HACD2: variants seen among roughly 807,000 people sequenced by gnomAD.
HACD2 encodes very-long-chain (3R)-3-hydroxyacyl-CoA dehydratase 2.
A neutral mutation model predicts 31.0 loss-of-function variants in HACD2; 15 were observed. That is an observed-to-expected ratio of 0.48 (90% confidence interval 0.32 to 0.75). HACD2 has a LOEUF of 0.75. HACD2 is among the 30% of genes least tolerant of loss of function. The pLI is 0.03. For synonymous variants in HACD2, 115 were observed against 122.2 expected, an observed-to-expected ratio of 0.94 and a Z score of 0.39; for missense variants, 283 against 313.0, an observed-to-expected ratio of 0.90 and a Z score of 0.72.
rs149348863 is a variant in HACD2, at chr3:123,567,946, C to A, written c.274-166G>T. 2.8e-3 allele frequency among the ~76,000 whole-genome samples: 432 copies of A among 152,278 alleles called. 2 individuals are homozygous for A. The highest frequency in any genetic ancestry group is 1.0e-2 in the African/African-American group (415 of 41,556). On this transcript the variant is annotated intron_variant, in intron 2 of 6. Coordinates refer to ENST00000383657, the MANE Select transcript of HACD2 (RefSeq NM_198402.5). Reference sequence around the variant, plus strand: ...TTAAACTTGGCTACAAGCTGTTTAACAAAATGTAAATTCTTGTTCAGTTTT... The same window carrying A: ...TTAAACTTGGCTACAAGCTGTTTAAAAAAATGTAAATTCTTGTTCAGTTTT...
In HACD2 at chr3:123,529,139, C is replaced by T. The variant is rs2056320654; in HGVS notation, c.293-665G>A. Among the ~76,000 whole-genome samples the T allele has an allele frequency of 4.6e-5, 7 of 152,186 alleles. No homozygotes were observed. In the South Asian group the frequency reaches 1.5e-3, roughly 32 times the overall value. ...TTTTTGAGACCGAGTCTCACTCTGT[C>T]ACCCAGGCTGGAGTGTAGTGGTGCA... On this transcript the variant is annotated intron_variant, in intron 3 of 6. Coordinates refer to ENST00000383657, the MANE Select transcript of HACD2 (RefSeq NM_198402.5).
chr3:123,519,381 C>T (rs951312171), intron 4 of HACD2, among the ~76,000 whole-genome samples: 4 of 152,160 alleles, frequency 2.6e-5, no homozygotes, highest in African/African-American at 9.7e-5. Context: ...TGTGATGCAT[C>T]TCAGTTTGCA....
At chr3:123,532,833 C>CAAAA (rs35001570) in intron 3 of HACD2, among the ~76,000 whole-genome samples, 3 of 71,358 alleles carry the variant, frequency 4.2e-5, no homozygotes, top group African/African-American at 6.4e-5. Context: ...GACTCCGTCT[C>CAAAA]AAAAAAAAAA....
intron 6 of HACD2, among the ~76,000 whole-genome samples, chr3:123,496,198 A>AT (rs766008173): frequency 2.0e-5 from 3 of 151,872 alleles, no homozygotes; most frequent in Non-Finnish European, 4.4e-5. Flanking sequence ...ACTAATTTGA[A>AT]TTTTTTGTAG....
In HACD2 at chr3:123,582,129, G is replaced by T; in HGVS notation, c.273+83C>A. The T allele has an allele frequency of 3.5e-6, 3 of 862,882 alleles. No individual in the cohort carries two copies. In the South Asian group the frequency reaches 7.0e-5, roughly 20 times the overall value. The allele number at this position is 862,882 out of a possible 1,614,324, so 53.5% of individuals were successfully genotyped here. A position where few individuals can be genotyped will look rare whatever the true frequency, so the allele number is the denominator to read the frequency against. On this transcript the variant is annotated intron_variant, in intron 2 of 6. Coordinates refer to ENST00000383657, the MANE Select transcript of HACD2 (RefSeq NM_198402.5). Reference sequence around the variant, plus strand: ...AAAATTTAACATGAATCCAAAGGGGGTATGCTACTTCAATATAATTTAGTT... The same window carrying T: ...AAAATTTAACATGAATCCAAAGGGGTTATGCTACTTCAATATAATTTAGTT...
chr3:123,582,680 A>G (rs1463415738), intron 1 of HACD2, among the ~76,000 whole-genome samples: 1 of 152,200 alleles, frequency 6.6e-6, no homozygotes, highest in Non-Finnish European at 1.5e-5. Flanking sequence ...ACGAGAAAAA[A>G]ACAGTTAAAG....
At position 123,579,474 on chromosome 3, in the gene HACD2, AT is replaced by A. The variant is rs1006488682; in HGVS notation, c.273+2737del. Reference sequence around the variant, plus strand: ...ACCCAGCCCAGCTAAAAAAAAAAAAATTTTTTTTTTGTAGAGATGAGGTCTT... The same window carrying A: ...ACCCAGCCCAGCTAAAAAAAAAAAAATTTTTTTTTGTAGAGATGAGGTCTT... On this transcript the variant is annotated intron_variant, in intron 2 of 6. Coordinates refer to ENST00000383657, the MANE Select transcript of HACD2 (RefSeq NM_198402.5). Among the ~76,000 whole-genome samples the A allele has an allele frequency of 5.6e-3, 829 of 149,256 alleles. 9 individuals carry two copies. Among genetic ancestry groups the A allele is most frequent in the African/African-American group, 0.019 (789 of 40,796 alleles).
intron 3 of HACD2, among the ~76,000 whole-genome samples, chr3:123,545,486 A>AAAAT (rs138722084): frequency 0.023 from 2,575 of 112,904 alleles, 99 homozygotes; most frequent in African/African-American, 0.071. Flanking sequence ...AGTCTCAGTA[A>AAAAT]AAATAAATAA....
chr3:123,528,259 T>G, intron 4 of HACD2, 127 bp downstream of exon 4: 2 of 651,612 alleles, frequency 3.1e-6, no homozygotes, highest in Non-Finnish European at 5.6e-6. Flanking sequence ...GTGAGCTTTA[T>G]CTCAGCTATA....
At chr3:123,497,999 T>C (rs1439482892) in intron 6 of HACD2, among the ~76,000 whole-genome samples, 1 of 152,232 alleles carries the variant, frequency 6.6e-6, no homozygotes, top group South Asian at 2.1e-4. Flanking sequence ...TTTCTTCTGA[T>C]AAATACAAAG....
chr3:123,510,932 GT>G (rs67094405), intron 4 of HACD2, among the ~76,000 whole-genome samples: 124,948 of 142,524 alleles, frequency 0.88, 55,050 homozygotes, highest in Non-Finnish European at 0.93. Context: ...CATTTGCTGT[GT>G]TTTTTTTTTT....
At chr3:123,504,317 C>T in intron 4 of HACD2, among the ~76,000 whole-genome samples, 1 of 152,132 alleles carries the variant, frequency 6.6e-6, no homozygotes, top group Admixed American at 6.5e-5. Context: ...TAGGAAGTTC[C>T]TCTAATATTT....
At chr3:123,545,548 TAAA>T (rs375205125) in intron 3 of HACD2, among the ~76,000 whole-genome samples, 1 of 121,832 alleles carries the variant, frequency 8.2e-6, no homozygotes, top group Non-Finnish European at 1.7e-5. Context: ...CTTTTTACTT[TAAA>T]AAAAAAAAAA....
chr3:123,522,741 A>G (rs148962900), intron 4 of HACD2, among the ~76,000 whole-genome samples: 1 of 152,166 alleles, frequency 6.6e-6, no homozygotes. Context: ...AATATTTAAA[A>G]TAGAAAGTAA....
At position 123,575,924 on chromosome 3, in the gene HACD2, A is replaced by G. The variant is rs552221712; in HGVS notation, c.273+6288T>C. Reference sequence around the variant, plus strand: ...GCCTTTCAGTTCAGCAAAGTTTTCTATAACTTTTCTCCCTGATTATTTATA... The same window carrying G: ...GCCTTTCAGTTCAGCAAAGTTTTCTGTAACTTTTCTCCCTGATTATTTATA... On this transcript the variant is annotated intron_variant, in intron 2 of 6. Coordinates refer to ENST00000383657, the MANE Select transcript of HACD2 (RefSeq NM_198402.5). 5.9e-5 allele frequency among the ~76,000 whole-genome samples: 9 copies of G among 152,330 alleles called. No homozygotes were observed. The South Asian group carries it at 1.9e-3, about 32-fold the overall frequency.
At chr3:123,558,696 C>A (rs547386340) in intron 3 of HACD2, among the ~76,000 whole-genome samples, 1 of 152,130 alleles carries the variant, frequency 6.6e-6, no homozygotes, top group Non-Finnish European at 1.5e-5. Context: ...ACAAATTTTC[C>A]GAAGCTTTCT....
In HACD2 at chr3:123,556,453, T is replaced by A. The variant is rs567687082; in HGVS notation, c.292+11309A>T. ...CTCCGTCTCAAAAAAAAAAAAAAAA[T>A]GATATACAATAGATGTGCATATTTT... On this transcript the variant is annotated intron_variant, in intron 3 of 6. Coordinates refer to ENST00000383657, the MANE Select transcript of HACD2 (RefSeq NM_198402.5). Among the ~76,000 whole-genome samples, 629 of 145,194 alleles carry A rather than the reference T, an allele frequency of 4.3e-3. 3 individuals carry two copies. Among genetic ancestry groups the A allele is most frequent in the African/African-American group, 0.015 (571 of 38,892 alleles).
intron 3 of HACD2, among the ~76,000 whole-genome samples, chr3:123,540,641 C>T (rs369299062): frequency 8.5e-5 from 13 of 152,152 alleles, no homozygotes; most frequent in African/African-American, 3.1e-4. Context: ...AGGAAATTCC[C>T]ACCCTATTAT....
At chr3:123,561,799 C>G (rs942539867) in intron 3 of HACD2, among the ~76,000 whole-genome samples, 3 of 151,728 alleles carry the variant, frequency 2.0e-5, no homozygotes, top group Non-Finnish European at 2.9e-5. Context: ...AAACATATCT[C>G]AGGGTGGGTT....
Sources: gnomAD v4.1 joint callset for allele counts (sites outside exome capture counted in the v4.1 genomes callset) on GRCh38, gnomAD v4.1.1 for gene constraint, MANE v1.5 for transcripts, NCBI Gene and HGNC (gene_info 2026-07-23, HGNC 2026-07-21) for gene names.